Variants in ACOT7 observed in about 807,000 individuals in gnomAD.
ACOT7 encodes cytosolic acyl coenzyme A thioester hydrolase.
A neutral mutation model predicts 40.2 loss-of-function variants in ACOT7; 12 were observed. The observed-to-expected ratio is 0.30, with a 90% CI of 0.19 to 0.48. The LOEUF (loss-of-function observed/expected upper bound fraction) is 0.48. Among genes scored for constraint, ACOT7 ranks in the 20% least tolerant of loss-of-function variants. The probability of loss-of-function intolerance (pLI) is 0.99; values close to 1 mark genes in which losing one functional copy is unlikely to be tolerated. For missense variants in ACOT7, 395 were observed against 530.8 expected, an observed-to-expected ratio of 0.74 and a Z score of 2.51; for synonymous variants, 228 against 219.5, an observed-to-expected ratio of 1.04 and a Z score of -0.34.
In ACOT7 at chr1:6,363,160, T is replaced by A. The variant is rs530000388; in HGVS notation, c.144-13294A>T. ...AACCAGGCTATACAGAGATGGGAGCTGAGGGGACATGGTGAGAAGTGACCA... is the reference window on the plus strand; with the variant it reads ...AACCAGGCTATACAGAGATGGGAGCAGAGGGGACATGGTGAGAAGTGACCA... On this transcript the variant is annotated intron_variant, in intron 1 of 8. Coordinates refer to ENST00000361521, the MANE Select transcript of ACOT7 (RefSeq NM_007274.4). Among the ~76,000 whole-genome samples, 12 of 152,262 alleles carry A rather than the reference T, an allele frequency of 7.9e-5. No homozygotes were observed. The South Asian group carries it at 2.5e-3, about 32-fold the overall frequency.
chr1:6,351,656 G>T (rs996418237), intron 1 of ACOT7, among the ~76,000 whole-genome samples: 2 of 152,206 alleles, frequency 1.3e-5, no homozygotes, highest in Non-Finnish European at 2.9e-5. Context: ...GAGCAGTGAG[G>T]AAACATCAGC....
rs1639378725 is a variant in ACOT7, at chr1:6,282,263, C to T, written c.830-977G>A. Among the ~76,000 whole-genome samples the T allele has an allele frequency of 1.3e-5, 2 of 152,160 alleles. No individual in the cohort carries two copies. Among genetic ancestry groups the T allele is most frequent in the Admixed American group, 1.3e-4 (2 of 15,282 alleles). ...CTCTTCCCTATAGGCAGGCATGAGA[C>T]ACCCTGCCTGGGGGATAGCTACGGG... On this transcript the variant is annotated intron_variant, in intron 7 of 8. Transcript: ENST00000361521. This position sits in a 1 kb window ranked among gnomAD's most constrained non-coding sequence, Gnocchi z 4.5.
At chr1:6,375,105 G>A (rs932680540) in intron 1 of ACOT7, among the ~76,000 whole-genome samples, 4 of 150,830 alleles carry the variant, frequency 2.7e-5, no homozygotes, top group East Asian at 4.0e-4. Context: ...GTGAAGCCCC[G>A]TCTCTACTAA....
At chr1:6,273,961 T>C (rs953023011) in intron 8 of ACOT7, among the ~76,000 whole-genome samples, 2 of 152,236 alleles carry the variant, frequency 1.3e-5, no homozygotes, top group Admixed American at 6.5e-5. Context: ...CCTCTTTCTC[T>C]GTCCTACATC....
At chr1:6,350,418 C>T (rs924358616) in intron 1 of ACOT7, among the ~76,000 whole-genome samples, 4 of 152,214 alleles carry the variant, frequency 2.6e-5, no homozygotes, top group Non-Finnish European at 5.9e-5. Context: ...GTCCCGGGGG[C>T]AGTGTGGAAT....
In ACOT7 at chr1:6,318,478, C is replaced by A. The variant is rs762062299; in HGVS notation, c.712+14G>T. On this transcript the variant is annotated intron_variant, in intron 6 of 8. Transcript: ENST00000361521. ...AGGGACAGGAATGGAGTGGCCAGGG[C>A]GCTTCCTTCTTACCTCCGTGCACAA... The A allele has an allele frequency of 6.2e-7, 1 of 1,612,346 alleles. No homozygotes were observed. The highest frequency in any genetic ancestry group is 8.5e-7 in the Non-Finnish European group (1 of 1,179,210).
rs1243337797 is a variant in ACOT7 at position 6,330,733 on chromosome 1, C to T, written c.510+2744G>A. Among the ~76,000 whole-genome samples the T allele has an allele frequency of 6.6e-6, 1 of 152,120 alleles. No individual in the cohort carries two copies. ...GGAGCCAGGGGAGTCAGAAGCTACC[C>T]GTCCCCTCCACTGGCCAAAAACCCA... On this transcript the variant is annotated intron_variant, in intron 4 of 8. Coordinates refer to ENST00000361521, the MANE Select transcript of ACOT7 (RefSeq NM_007274.4). This position sits in a 1 kb window ranked among gnomAD's most constrained non-coding sequence, Gnocchi z 4.6.
chr1:6,318,479 G>A lies in ACOT7; in HGVS notation c.712+13C>T, dbSNP rs200061296. ...GGGACAGGAATGGAGTGGCCAGGGCGCTTCCTTCTTACCTCCGTGCACAAA... is the reference window on the plus strand; with the variant it reads ...GGGACAGGAATGGAGTGGCCAGGGCACTTCCTTCTTACCTCCGTGCACAAA... On this transcript the variant is annotated intron_variant, in intron 6 of 8. Transcript: ENST00000361521. The A allele has an allele frequency of 1.8e-4, 286 of 1,612,648 alleles. No individual in the cohort carries two copies. Among genetic ancestry groups the A allele is most frequent in the Non-Finnish European group, 2.1e-4 (245 of 1,179,270 alleles).
At chr1:6,372,861 G>A (rs1252337977) in intron 1 of ACOT7, among the ~76,000 whole-genome samples, 1 of 152,060 alleles carries the variant, frequency 6.6e-6, no homozygotes, top group Non-Finnish European at 1.5e-5. Flanking sequence ...CCGGCTTTTG[G>A]CTTAAAGTGA....
chr1:6,365,543 G>A (rs1378170975), intron 1 of ACOT7, among the ~76,000 whole-genome samples: 1 of 152,136 alleles, frequency 6.6e-6, no homozygotes, highest in Non-Finnish European at 1.5e-5. Context: ...GCCAAGGTGG[G>A]TGGATCACAA....
Position 6,306,589 on chromosome 1 carries a change from C to A in ACOT7, c.713-11609G>T, listed in dbSNP as rs1640163405. 2 of 985,386 alleles carry A rather than the reference C, an allele frequency of 2.0e-6. No homozygotes were observed. The highest frequency in any genetic ancestry group is 2.4e-6 in the Non-Finnish European group (2 of 829,920). 61.0% of individuals were successfully genotyped at this position (985,386 alleles called of 1,614,324 possible). The stretch of plus-strand genomic sequence containing the variant: ...GAACGATGTTTTCAAACACCAAGAT[C>A]CTAGAAGGCGAGTACTAGAAGGAAT... On this transcript the variant is annotated intron_variant, in intron 6 of 8. Transcript: ENST00000361521. This position sits in a 1 kb window ranked among gnomAD's most constrained non-coding sequence, Gnocchi z 4.3.
chr1:6,388,814 G>A (rs906408057), intron 1 of ACOT7, among the ~76,000 whole-genome samples: 2 of 149,598 alleles, frequency 1.3e-5, no homozygotes, highest in African/African-American at 2.5e-5. Context: ...CAAGGTGGGA[G>A]GACCACAGGG....
intron 1 of ACOT7, among the ~76,000 whole-genome samples, chr1:6,384,041 G>T (rs565496631): frequency 6.6e-6 from 1 of 151,764 alleles, no homozygotes; most frequent in South Asian, 2.1e-4. Context: ...ATAGAGATCA[G>T]ATCTTGCTAT....
chr1:6,385,819 C>T, intron 1 of ACOT7: 1 of 1,407,758 alleles, frequency 7.1e-7, no homozygotes, highest in South Asian at 1.5e-5. Flanking sequence ...GACCGCCCCT[C>T]CCCCACCAGC....
chr1:6,352,855 G>A lies in ACOT7; in HGVS notation c.144-2989C>T, dbSNP rs1454538178. Among the ~76,000 whole-genome samples the A allele has an allele frequency of 6.6e-6, 1 of 151,394 alleles. No individual in the cohort carries two copies. Among genetic ancestry groups the A allele is most frequent in the African/African-American group, 2.4e-5 (1 of 41,200 alleles). On this transcript the variant is annotated intron_variant, in intron 1 of 8. Transcript: ENST00000361521. This position sits in a 1 kb window ranked among gnomAD's most constrained non-coding sequence, Gnocchi z 4.5. ...CATTTCTAATAAAGACACGGGTACCGAAAGCACTTCATGTTCCTCTTTACT... is the reference window on the plus strand; with the variant it reads ...CATTTCTAATAAAGACACGGGTACCAAAAGCACTTCATGTTCCTCTTTACT...
chr1:6,370,457 GTATTATTATTATTAT>G (rs34962967), intron 1 of ACOT7, among the ~76,000 whole-genome samples: 23,311 of 140,698 alleles, frequency 0.17, 2,136 homozygotes, highest in African/African-American at 0.25. Context: ...AGCAGTGTTA[GTATTATTATTATTAT>G]TATTATTATT....
intron 2 of ACOT7, among the ~76,000 whole-genome samples, chr1:6,347,338 G>A (rs1176855014): frequency 1.3e-5 from 2 of 152,164 alleles, no homozygotes; most frequent in African/African-American, 2.4e-5. Flanking sequence ...AGCAAGGAGG[G>A]GCAAGTGTTC....
At chr1:6,281,844 G>A (rs1232738558) in intron 7 of ACOT7, among the ~76,000 whole-genome samples, 1 of 152,132 alleles carries the variant, frequency 6.6e-6, no homozygotes, top group East Asian at 1.9e-4. Context: ...AGCTGCCCGT[G>A]CCCCTTGGTG....
chr1:6,312,885 ACT>A (rs1640379271), intron 6 of ACOT7, among the ~76,000 whole-genome samples: 1 of 152,160 alleles, frequency 6.6e-6, no homozygotes, highest in Non-Finnish European at 1.5e-5. Flanking sequence ...TGAAATTAAA[ACT>A]TTTTAATTAC....
Sources: allele counts gnomAD v4.1 joint callset (sites outside exome capture counted in the v4.1 genomes callset), GRCh38; gene constraint gnomAD v4.1.1; non-coding constraint Gnocchi (gnomAD v3.1); transcripts MANE v1.5; gene names NCBI Gene and HGNC (gene_info 2026-07-23, HGNC 2026-07-21).